CPLX2: variants seen among roughly 807,000 people sequenced by gnomAD.
CPLX2 encodes the protein complexin 2.
CPLX2 carries 5 observed loss-of-function variants against 16.3 expected under a neutral mutation model. That is an observed-to-expected ratio of 0.31 (90% CI 0.16 to 0.64). The LOEUF (loss-of-function observed/expected upper bound fraction) is 0.64. Ranked by LOEUF, CPLX2 falls within the 30% of genes least tolerant of loss-of-function variation. The probability of loss-of-function intolerance (pLI) is 0.79; values close to 1 mark genes in which losing one functional copy is unlikely to be tolerated. For synonymous variants in CPLX2, 89 were observed against 73.2 expected (o/e 1.22, Z -1.10); for missense variants, 144 against 181.4 (o/e 0.79, Z 1.18).
chr5:175,815,904 G>A (rs1193687442), intron 2 of CPLX2, among the ~76,000 whole-genome samples: 1 of 152,240 alleles, frequency 6.6e-6, no homozygotes, highest in Non-Finnish European at 1.5e-5. Flanking sequence ...TCTATGCCCA[G>A]CATCATGCCT....
chr5:175,800,729 G>A (rs954255433), intron 1 of CPLX2, among the ~76,000 whole-genome samples: 4 of 152,114 alleles, frequency 2.6e-5, no homozygotes, highest in African/African-American at 7.2e-5. Flanking sequence ...ATTCTGTGTC[G>A]GGCACCATTC....
rs576272666 is a variant in CPLX2, at chr5:175,813,635, G to A, written c.-89+4567G>A. Among the ~76,000 whole-genome samples the A allele has an allele frequency of 3.3e-5, 5 of 152,374 alleles. No homozygotes were observed. The East Asian group carries it at 9.6e-4, about 29-fold the overall frequency. ...AGTGGTCAAGTGTGGCCAGGGAGCT[G>A]GCCACAGGCACACAGAGCAGTCCGA... On this transcript the variant is annotated intron_variant, in intron 2 of 4. Coordinates refer to the CPLX2 transcript ENST00000359546.
intron 2 of CPLX2, among the ~76,000 whole-genome samples, chr5:175,826,620 G>T (rs1489064056): frequency 1.3e-5 from 2 of 152,114 alleles, no homozygotes; most frequent in African/African-American, 4.8e-5. Context: ...TTGGATGTGG[G>T]AAGGAGACGA....
At chr5:175,822,222 C>T (rs1011330675) in intron 2 of CPLX2, among the ~76,000 whole-genome samples, 7 of 152,130 alleles carry the variant, frequency 4.6e-5, no homozygotes, top group Non-Finnish European at 8.8e-5. Flanking sequence ...GACCATAAGA[C>T]GTACTTTTGA....
chr5:175,833,087 C>T (rs188022960), intron 2 of CPLX2, among the ~76,000 whole-genome samples: 2 of 148,558 alleles, frequency 1.3e-5, no homozygotes, highest in Admixed American at 6.9e-5. Flanking sequence ...ACCCAGCAGG[C>T]GGATGTTGCA....
At chr5:175,827,131 C>T (rs1758630708) in intron 2 of CPLX2, among the ~76,000 whole-genome samples, 1 of 152,184 alleles carries the variant, frequency 6.6e-6, no homozygotes, top group Non-Finnish European at 1.5e-5. Flanking sequence ...AACTGAGTCT[C>T]ATTGGCCCCT....
Position 175,878,963 on chromosome 5 carries a change from C to A in CPLX2, c.87C>A (p.Asp29Glu). ...MLGGEEEKDP[D>E]AQKKEEERQE... ...GGGGAGAGGAGGAGAAGGACCCCGA[C>A]GCGCAGAAAAAGGAGGAGGAGCGGC... is the stretch of plus-strand genomic sequence containing the variant. The change falls in exon 3 of 4, where the codon GAC becomes GAA. Residue 29 changes from aspartate to glutamate, a missense_variant. Physicochemically the swap from Asp to Glu is conservative, Grantham distance 45 (BLOSUM62 2). Transcript: ENST00000393745. 2 of 1,610,572 alleles carry A rather than the reference C, an allele frequency of 1.2e-6. No homozygotes were observed. Among genetic ancestry groups the A allele is most frequent in the Non-Finnish European group, 1.7e-6 (2 of 1,178,522 alleles).
chr5:175,819,778 G>A (rs1249744807), intron 2 of CPLX2, among the ~76,000 whole-genome samples: 5 of 152,220 alleles, frequency 3.3e-5, no homozygotes, highest in Admixed American at 1.3e-4. Context: ...GTATTTCACA[G>A]ATGAAATGGC....
intron 2 of CPLX2, among the ~76,000 whole-genome samples, chr5:175,860,516 A>AAGAAAGAAAG (rs1554121240): frequency 8.4e-4 from 18 of 21,352 alleles, no homozygotes; most frequent in African/African-American, 4.8e-3. Context: ...GAAAGAAAGA[A>AAGAAAGAAAG]AAAGAAAGAA....
At chr5:175,838,266 C>CTTTTT (rs1156770920) in intron 2 of CPLX2, among the ~76,000 whole-genome samples, 32 of 116,774 alleles carry the variant, frequency 2.7e-4, no homozygotes, top group Non-Finnish European at 3.1e-4. Context: ...CCCCTCCTGT[C>CTTTTT]TTTTTTTTTT....
At chr5:175,863,159 C>T (rs1005352353) in intron 2 of CPLX2, among the ~76,000 whole-genome samples, 1 of 152,214 alleles carries the variant, frequency 6.6e-6, no homozygotes, top group Non-Finnish European at 1.5e-5. Context: ...GTCCTTAGGG[C>T]ACAGCTCTGA....
intron 1 of CPLX2, among the ~76,000 whole-genome samples, chr5:175,801,173 A>AAAAAC (rs1298343381): frequency 1.3e-5 from 2 of 151,544 alleles, no homozygotes; most frequent in Non-Finnish European, 2.9e-5. Flanking sequence ...AAAAAAAAAA[A>AAAAAC]AAACTGGGTT....
In CPLX2 at chr5:175,864,355, G is replaced by C. The variant is rs1334912956; in HGVS notation, c.-88-14297G>C. ...CAGAGCTTTCATGCATCAGGAGCAGGGGGTACCAGCCACCCCTGCCCCTTC... is the reference window on the plus strand; with the variant it reads ...CAGAGCTTTCATGCATCAGGAGCAGCGGGTACCAGCCACCCCTGCCCCTTC... On this transcript the variant is annotated intron_variant, in intron 2 of 4. Transcript: ENST00000359546. Among the ~76,000 whole-genome samples, 4 of 152,188 alleles carry C rather than the reference G, an allele frequency of 2.6e-5. No individual in the cohort carries two copies. The East Asian group carries it at 7.7e-4, about 29-fold the overall frequency.
intron 2 of CPLX2, among the ~76,000 whole-genome samples, chr5:175,835,490 A>T (rs1482647692): frequency 1.3e-5 from 2 of 152,174 alleles, no homozygotes; most frequent in African/African-American, 4.8e-5. Flanking sequence ...CAGAAACCAG[A>T]CAAAGGTATT....
intron 2 of CPLX2, among the ~76,000 whole-genome samples, chr5:175,848,462 C>T (rs1759091080): frequency 6.6e-6 from 1 of 152,124 alleles, no homozygotes; most frequent in African/African-American, 2.4e-5. Flanking sequence ...AACAGGGTGT[C>T]TTCTGGCAAT....
rs535267015 is a variant in CPLX2, at chr5:175,815,375, C to A, written c.-89+6307C>A. Among the ~76,000 whole-genome samples the A allele has an allele frequency of 5.9e-5, 9 of 152,154 alleles. No homozygotes were observed. The South Asian group carries it at 1.0e-3, about 18-fold the overall frequency. On this transcript the variant is annotated intron_variant, in intron 2 of 4. Transcript: ENST00000359546. ...CAAACCCGCTCGTCAGCAGGCTTGG[C>A]GGAGAGCACATGCATGGAGGAACTG...
chr5:175,809,386 A>G lies in CPLX2; in HGVS notation c.-89+318A>G, dbSNP rs1375471280. ...AGTGAAAGGACTTGCCTAAAGACAC[A>G]CAGCTGGTAGGTAGCTAAGGCTGAA... On this transcript the variant is annotated intron_variant, in intron 2 of 4. Coordinates refer to the CPLX2 transcript ENST00000359546. This position sits in a 1 kb window ranked among gnomAD's most constrained non-coding sequence, Gnocchi z 4.4. 6.6e-6 allele frequency: 1 copy of G among 152,266 alleles called. No homozygotes were observed. The highest frequency in any genetic ancestry group is 1.5e-5 in the Non-Finnish European group (1 of 68,054). The allele number at this position is 152,266 out of a possible 1,614,324, so 9.4% of individuals were successfully genotyped here. A position where few individuals can be genotyped will look rare whatever the true frequency, so the allele number is the denominator to read the frequency against.
intron 2 of CPLX2, among the ~76,000 whole-genome samples, chr5:175,818,045 A>G (rs1758440153): frequency 6.6e-6 from 1 of 152,316 alleles, no homozygotes; most frequent in Middle Eastern, 3.4e-3. Flanking sequence ...CAGGCTGAGC[A>G]TAAGCGCAAG....
At chr5:175,831,717 G>C (rs1758738821) in intron 2 of CPLX2, among the ~76,000 whole-genome samples, 1 of 152,180 alleles carries the variant, frequency 6.6e-6, no homozygotes, top group African/African-American at 2.4e-5. Flanking sequence ...CTCAGCAGGA[G>C]GTCAGATAGG....
Sources: gnomAD v4.1 joint callset for allele counts (sites outside exome capture counted in the v4.1 genomes callset) on GRCh38, gnomAD v4.1.1 for gene constraint, Gnocchi (gnomAD v3.1) non-coding constraint, MANE v1.5 for transcripts, NCBI Gene and HGNC (gene_info 2026-07-23, HGNC 2026-07-21) for gene names.